The following BRICD5 variants were observed in gnomAD, a reference collection of about 807,000 sequenced individuals.
The protein encoded by BRICD5 is BRICHOS domain-containing protein 5.
In BRICD5, 51 loss-of-function variants were observed where a neutral mutation model predicts 28.4. The observed-to-expected ratio is 1.80, with a 90% CI of 1.43 to 2.27. The LOEUF (loss-of-function observed/expected upper bound fraction) is 2.27. Ranked by LOEUF, BRICD5 falls within the 30% of genes most tolerant of loss-of-function variation. The pLI is 0.00. For missense variants in BRICD5, 456 were observed against 309.6 expected, an observed-to-expected ratio of 1.47 and a Z score of -3.55; for synonymous variants, 177 against 130.2, an observed-to-expected ratio of 1.36 and a Z score of -2.44.
intron 1 of BRICD5, 50 bp from the exon 2 acceptor site, chr16:2,210,700 G>A (rs753138553): frequency 1.2e-6 from 2 of 1,610,474 alleles, no homozygotes; most frequent in Middle Eastern, 1.7e-4. Context: ...ACATCAGGGA[G>A]CAAGTGGGCT....
chr16:2,209,394 C>G lies in BRICD5; in HGVS notation c.655G>C (p.Val219Leu). The change falls in exon 6 of 6, where the codon GTG becomes CTG. Residue 219 changes from valine to leucine, a missense_variant. Coordinates refer to ENST00000328540, the MANE Select transcript of BRICD5 (RefSeq NM_182563.4). ...IDICFPSNIC[V>L]SVCFYYLPD is the part of the protein sequence containing the mutation. ...GGGAGGTAATAAAAGCAGACCGACA[C>G]GCAGATGTTGCTCGGGAAGCAGATG... 6.2e-7 allele frequency: 1 copy of G among 1,613,748 alleles called. No homozygotes were observed. Among genetic ancestry groups the G allele is most frequent in the Non-Finnish European group, 8.5e-7 (1 of 1,179,936 alleles).
chr16:2,209,473 G>A lies in BRICD5; in HGVS notation c.593-17C>T, dbSNP rs773032940. On this transcript the variant is annotated splice_polypyrimidine_tract_variant and intron_variant, in intron 5 of 5. Coordinates refer to ENST00000328540, the MANE Select transcript of BRICD5 (RefSeq NM_182563.4). Reference sequence around the variant, plus strand: ...TCCGGGGCCCTGTGGCGAGGGTGCCGTGAATCTCCAAGGGCTCCGCCCCCA... The same window carrying A: ...TCCGGGGCCCTGTGGCGAGGGTGCCATGAATCTCCAAGGGCTCCGCCCCCA... 23 of 1,613,252 alleles carry A rather than the reference G, an allele frequency of 1.4e-5. No homozygotes were observed. The Middle Eastern group carries it at 2.0e-3, about 138-fold the overall frequency.
chr16:2,210,321 A>C, intron 2 of BRICD5, 40 bp from the exon 3 acceptor site: 1 of 1,503,436 alleles, frequency 6.7e-7, no homozygotes, highest in Non-Finnish European at 8.9e-7. Context: ...CAGCTGTGCA[A>C]CCCCAGCACA....
rs1392531745 is a variant in BRICD5, at chr16:2,209,604, C to T, written c.541G>A (p.Val181Met). The T allele has an allele frequency of 1.2e-6, 2 of 1,612,706 alleles. No homozygotes were observed. The highest frequency in any genetic ancestry group is 2.2e-5 in the East Asian group (1 of 44,884). Reference protein sequence around the residue: ...EVDPAQAGALVQRLCMRTPIY... With the variant: ...EVDPAQAGALMQRLCMRTPIY... ...GGGGTCCTCATGCACAGGCGCTGCA[C>T]CAAAGCCCCCGCCTGGGCGGGGTCC... is the stretch of plus-strand genomic sequence containing the variant. The change falls in exon 5 of 6, where the codon GTG becomes ATG. Residue 181 changes from valine to methionine, a missense_variant. Coordinates refer to ENST00000328540, the MANE Select transcript of BRICD5 (RefSeq NM_182563.4).
At position 2,209,300 on chromosome 16, in the gene BRICD5, G is replaced by A. The variant is rs923755913; in HGVS notation, c.*62C>T. On this transcript the variant is annotated 3_prime_UTR_variant, in exon 6 of 6. Transcript: ENST00000328540. Reference sequence around the variant, plus strand: ...TCCCTGCCAGCAGCTGTCCTCCCTGGTGCAGGTGGCCTGGCCAGCCCACTG... The same window carrying A: ...TCCCTGCCAGCAGCTGTCCTCCCTGATGCAGGTGGCCTGGCCAGCCCACTG... The A allele has an allele frequency of 6.9e-7, 1 of 1,445,066 alleles. No individual in the cohort carries two copies. The highest frequency in any genetic ancestry group is 2.3e-5 in the East Asian group (1 of 43,748). The allele number at this position is 1,445,066 out of a possible 1,614,324, so 89.5% of individuals were successfully genotyped here.
In BRICD5 at chr16:2,210,565, A is replaced by AT. The variant is rs2093369329; in HGVS notation, c.136_137insA (p.Val46AspfsTer75). 6.2e-7 allele frequency: 1 copy of AT among 1,612,568 alleles called. No individual in the cohort carries two copies. Among genetic ancestry groups the AT allele is most frequent in the South Asian group, 1.1e-5 (1 of 91,042 alleles). ...AGAGCCAAGAAGCCCTCCAGCCACA[A>AT]CCCCCACAGCGGCCAGCACCAGCAG... On this transcript the variant is annotated frameshift_variant, in exon 2 of 6. Coordinates refer to ENST00000328540, the MANE Select transcript of BRICD5 (RefSeq NM_182563.4). LOFTEE classifies it high-confidence loss of function.
rs763064022 is a variant in BRICD5 at position 2,209,425 on chromosome 16, G to A, written c.624C>T (p.Cys208=). Residue 208 remains cysteine, a synonymous_variant, in exon 6 of 6, where the codon TGC becomes TGT. Transcript: ENST00000328540. ...TGTTGCTCGGGAAGCAGATGTCGAT[G>A]CAGAGATAAATCAGCCGCTGTCTCC... ...GPRRQRLIYL[C]IDICFPSNIC... is the part of the protein sequence containing the mutation. The A allele has an allele frequency of 3.1e-6, 5 of 1,613,838 alleles. No individual in the cohort carries two copies. The highest frequency in any genetic ancestry group is 1.1e-5 in the South Asian group (1 of 91,090).
rs768530695 is a variant in BRICD5, at chr16:2,209,427, A to G, written c.622T>C (p.Cys208Arg). The G allele has an allele frequency of 6.2e-6, 10 of 1,613,700 alleles. No individual in the cohort carries two copies. Among genetic ancestry groups the G allele is most frequent in the South Asian group, 2.2e-5 (2 of 91,094 alleles). The change falls in exon 6 of 6, where the codon TGC (cysteine) becomes CGC (arginine). Residue 208 changes from cysteine (C) to arginine (R), a missense_variant. By Grantham distance (180) the Cys-to-Arg change is radical. Coordinates refer to ENST00000328540, the MANE Select transcript of BRICD5 (RefSeq NM_182563.4). ...TTGCTCGGGAAGCAGATGTCGATGC[A>G]GAGATAAATCAGCCGCTGTCTCCGG... The part of the protein sequence containing the change: ...GPRRQRLIYL[C>R]IDICFPSNIC...
rs2093370048 is a variant in BRICD5, at chr16:2,210,648, C to T, written c.54G>A (p.Val18=). The change falls in exon 2 of 6, where the codon GTG becomes GTA. Residue 18 remains valine, a splice_region_variant and synonymous_variant. Transcript: ENST00000328540. ...AGCCCCCGCAGGAGGGCTTGGTCTTCACCTGGGCGTGCATCAGGGTCAGAA... is the reference window on the plus strand; with the variant it reads ...AGCCCCCGCAGGAGGGCTTGGTCTTTACCTGGGCGTGCATCAGGGTCAGAA... The part of the protein sequence containing the change: ...AERPKPGPTG[V]KTKPSCGGWR... The T allele has an allele frequency of 2.5e-6, 4 of 1,610,914 alleles. No individual in the cohort carries two copies. Among genetic ancestry groups the T allele is most frequent in the Non-Finnish European group, 3.4e-6 (4 of 1,178,588 alleles).
chr16:2,210,004 G>C lies in BRICD5; in HGVS notation c.384C>G (p.Arg128=). The C allele has an allele frequency of 6.4e-7, 1 of 1,560,502 alleles. No individual in the cohort carries two copies. Among genetic ancestry groups the C allele is most frequent in the Non-Finnish European group, 8.7e-7 (1 of 1,148,270 alleles). ...TCTCCCGATCACTGTCCTCCATCAGGCGGAGGAAGCAGACCTGGTGCTCCT... is the reference window on the plus strand; with the variant it reads ...TCTCCCGATCACTGTCCTCCATCAGCCGGAGGAAGCAGACCTGGTGCTCCT... ...RPEEHQVCFL[R]LMEDSDRETL... is the part of the protein sequence containing the mutation. The change falls in exon 4 of 6, where the codon CGC becomes CGG. Residue 128 remains arginine (R), a synonymous_variant. Coordinates refer to ENST00000328540, the MANE Select transcript of BRICD5 (RefSeq NM_182563.4).
Position 2,209,686 on chromosome 16 carries a change from G to A in BRICD5, c.459C>T (p.Pro153=), listed in dbSNP as rs925324600. 6 of 1,612,246 alleles carry A rather than the reference G, an allele frequency of 3.7e-6. No homozygotes were observed. The highest frequency in any genetic ancestry group is 5.1e-6 in the Non-Finnish European group (6 of 1,179,246). ...DTSKVQEAWV[P]SQDTHHTQEL... The stretch of plus-strand genomic sequence containing the variant: ...CCTGGGTGTGGTGGGTGTCCTGGCT[G>A]GGGACCCAAGCCTCTTGGACCTGTT... The change falls in exon 5 of 6, where the codon CCC becomes CCT. Residue 153 remains proline, a synonymous_variant. Transcript: ENST00000328540.
At chr16:2,210,329 A>G in intron 2 of BRICD5, 48 bp from the exon 3 acceptor site, 1 of 1,506,512 alleles carries the variant, frequency 6.6e-7, no homozygotes. Flanking sequence ...CAACCCCAGC[A>G]CAGCCTCCAG....
Position 2,210,116 on chromosome 16 carries a change from G to C in BRICD5, c.336+10C>G. On this transcript the variant is annotated intron_variant, in intron 3 of 5. Transcript: ENST00000328540. ...ACACCTGCCAGGGTGACCCCTCCCTGCCCACTCACGCTCTGCCCGTCGAAC... is the reference window on the plus strand; with the variant it reads ...ACACCTGCCAGGGTGACCCCTCCCTCCCCACTCACGCTCTGCCCGTCGAAC... The C allele has an allele frequency of 1.2e-6, 2 of 1,606,990 alleles. No individual in the cohort carries two copies. Among genetic ancestry groups the C allele is most frequent in the Non-Finnish European group, 1.7e-6 (2 of 1,177,824 alleles).
chr16:2,210,729 G>A (rs1182725645), intron 1 of BRICD5, 54 bp downstream of exon 1: 3 of 1,609,402 alleles, frequency 1.9e-6, no homozygotes, highest in Admixed American at 1.7e-5. Flanking sequence ...GAGGGGCTGG[G>A]TGGCCTGGGG....
rs1164490893 is a variant in BRICD5 at position 2,210,188 on chromosome 16, T to G, written c.274A>C (p.Thr92Pro). ...ILVDVARNAA[T>P]ITVTPPQSNH... ...CTCTGAGGTGGGGTCACTGTGATGG[T>G]CGCCGCGTTCCGGGCCACGTCCACC... is the stretch of plus-strand genomic sequence containing the variant. Residue 92 changes from threonine (T) to proline (P), a missense_variant, in exon 3 of 6, where the codon ACC becomes CCC. Thr to Pro is a conservative substitution (Grantham distance 38). Coordinates refer to ENST00000328540, the MANE Select transcript of BRICD5 (RefSeq NM_182563.4). 6.2e-7 allele frequency: 1 copy of G among 1,602,482 alleles called. No homozygotes were observed. Among genetic ancestry groups the G allele is most frequent in the Non-Finnish European group, 8.5e-7 (1 of 1,176,134 alleles).
At chr16:2,210,429 G>C in intron 2 of BRICD5, 93 bp downstream of exon 2, 1 of 1,538,786 alleles carries the variant, frequency 6.5e-7, no homozygotes, top group African/African-American at 1.4e-5. Context: ...GTCACTGCCT[G>C]CTCCGCACCC....
Position 2,209,456 on chromosome 16 carries a change from C to T in BRICD5, c.593G>A (p.Gly198Glu). The T allele has an allele frequency of 6.2e-7, 1 of 1,613,634 alleles. No individual in the cohort carries two copies. The highest frequency in any genetic ancestry group is 8.5e-7 in the Non-Finnish European group (1 of 1,180,000). Residue 198 changes from glycine to glutamate, a missense_variant and splice_region_variant, in exon 6 of 6, where the codon GGG becomes GAG. Coordinates refer to ENST00000328540, the MANE Select transcript of BRICD5 (RefSeq NM_182563.4). Reference protein sequence around the residue: ...TPIYWARRAEGPRRQRLIYLC... With the variant: ...TPIYWARRAEEPRRQRLIYLC... ...ATAAATCAGCCGCTGTCTCCGGGGC[C>T]CTGTGGCGAGGGTGCCGTGAATCTC...
intron 2 of BRICD5, 25 bp from the exon 3 acceptor site, chr16:2,210,306 C>T (rs764848537): frequency 6.6e-7 from 1 of 1,508,954 alleles, no homozygotes; most frequent in South Asian, 1.3e-5. Flanking sequence ...TGGAGTTCAG[C>T]CGGGCAGCTG....
Position 2,210,054 on chromosome 16 carries a change from G to T in BRICD5, c.337-3C>A. The T allele has an allele frequency of 6.3e-7, 1 of 1,599,172 alleles. No homozygotes were observed. On this transcript the variant is annotated splice_region_variant and splice_polypyrimidine_tract_variant and intron_variant, in intron 3 of 5. Transcript: ENST00000328540. ...TCAGGGCGGTAACAGATGCAGCCCT[G>T]GGGAGGCAGGGGGGTGAGGCGGGGC...
Sources: gnomAD v4.1 joint callset for allele counts on GRCh38, gnomAD v4.1.1 for gene constraint, MANE v1.5 for transcripts, NCBI Gene and HGNC (gene_info 2026-07-23, HGNC 2026-07-21) for gene names.